Variants in GLP2R observed in about 807,000 individuals in gnomAD.
The protein encoded by GLP2R is glucagon-like peptide 2 receptor.
A neutral mutation model predicts 68.2 loss-of-function variants in GLP2R; 59 were observed. That is an observed-to-expected ratio of 0.87 (90% CI 0.70 to 1.07). The LOEUF (loss-of-function observed/expected upper bound fraction) is 1.07. Ranked by LOEUF, GLP2R falls within the 50% of genes least tolerant of loss-of-function variation. The pLI is 0.00. For synonymous variants in GLP2R, 270 were observed against 265.4 expected (o/e 1.02, Z -0.17); for missense variants, 548 against 677.4 (o/e 0.81, Z 2.12).
intron 3 of GLP2R, among the ~76,000 whole-genome samples, chr17:9,841,459 A>G (rs1296059155): frequency 6.6e-6 from 1 of 152,068 alleles, no homozygotes; most frequent in Non-Finnish European, 1.5e-5. Flanking sequence ...AGGAGGTGAA[A>G]GTGGCAGTCA....
At chr17:9,871,088 G>A (rs58131349) in intron 10 of GLP2R, among the ~76,000 whole-genome samples, 1,825 of 152,258 alleles carry the variant, frequency 0.012, 41 homozygotes, top group African/African-American at 0.042. Flanking sequence ...CCCTAAGAGG[G>A]CAGGAGTGAT....
chr17:9,829,363 T>C (rs1469526342), intron 1 of GLP2R, among the ~76,000 whole-genome samples: 1 of 151,332 alleles, frequency 6.6e-6, no homozygotes, highest in African/African-American at 2.4e-5. Context: ...AGTTTGGCAG[T>C]CAAAAACCTT....
At chr17:9,839,316 C>T (rs1397571772) in intron 3 of GLP2R, among the ~76,000 whole-genome samples, 2 of 152,078 alleles carry the variant, frequency 1.3e-5, no homozygotes, top group Non-Finnish European at 2.9e-5. Flanking sequence ...AGGCAGAATG[C>T]TCAAGACTTG....
Position 9,880,402 on chromosome 17 carries a change from C to T in GLP2R, c.1170C>T (p.Leu390=), listed in dbSNP as rs1567737926. The change falls in exon 11 of 13, where the codon CTC becomes CTT. Residue 390 remains leucine (L), a synonymous_variant. Transcript: ENST00000262441. ...KYRLAKSTLV[L]IPLLGVHEIL... ...GATTGGCAAAATCAACACTGGTCCT[C>T]ATTCCTTTATTGGGCGTTCATGAGA... 8.1e-6 allele frequency: 13 copies of T among 1,601,688 alleles called. No homozygotes were observed. Among genetic ancestry groups the T allele is most frequent in the South Asian group, 1.1e-5 (1 of 89,010 alleles).
At chr17:9,831,972 G>T (rs530350844) in intron 1 of GLP2R, among the ~76,000 whole-genome samples, 70 of 152,282 alleles carry the variant, frequency 4.6e-4, no homozygotes, top group Admixed American at 1.1e-3. Flanking sequence ...GAATGCCCTT[G>T]GCCTTGCATG....
intron 10 of GLP2R, among the ~76,000 whole-genome samples, chr17:9,878,192 T>C (rs1423324802): frequency 6.6e-6 from 1 of 152,132 alleles, no homozygotes; most frequent in Admixed American, 6.5e-5. Context: ...AGCTTCCTTC[T>C]AAAGGGACAG....
chr17:9,842,660 C>G (rs762140270), intron 4 of GLP2R, 44 bp downstream of exon 4: 1 of 1,607,952 alleles, frequency 6.2e-7, no homozygotes, highest in South Asian at 1.1e-5. Flanking sequence ...GGGTCCAAAC[C>G]ACCCTCCTTC....
intron 6 of GLP2R, among the ~76,000 whole-genome samples, chr17:9,859,220 T>C (rs773030841): frequency 4.6e-5 from 7 of 152,252 alleles, no homozygotes; most frequent in Non-Finnish European, 8.8e-5. Context: ...CTTTGATCCA[T>C]GGATTGCTTA....
intron 3 of GLP2R, among the ~76,000 whole-genome samples, chr17:9,839,285 G>A (rs2066762156): frequency 6.6e-6 from 1 of 152,096 alleles, no homozygotes; most frequent in African/African-American, 2.4e-5. Context: ...GCAGAGAGAA[G>A]GAGAAAGATT....
At chr17:9,847,418 C>T (rs1440996655) in intron 4 of GLP2R, among the ~76,000 whole-genome samples, 7 of 151,976 alleles carry the variant, frequency 4.6e-5, no homozygotes, top group Non-Finnish European at 7.4e-5. Flanking sequence ...TACAGGGGCA[C>T]GCTGCCACAC....
chr17:9,887,232 GAA>G (rs111406903), intron 11 of GLP2R, among the ~76,000 whole-genome samples: 2 of 139,002 alleles, frequency 1.4e-5, no homozygotes, highest in African/African-American at 2.6e-5. Flanking sequence ...GTCAGGCAAA[GAA>G]AAAAAAAAAA....
chr17:9,889,741 A>T lies in GLP2R; in HGVS notation c.*36A>T. On this transcript the variant is annotated 3_prime_UTR_variant, in exon 13 of 13. Transcript: ENST00000262441. ...CACCACCCTGGCTCTGCTCCCAGGG[A>T]CTCTTGAGGGGGCCCAGGAAGAGGA... 7.5e-7 allele frequency: 1 copy of T among 1,327,840 alleles called. No homozygotes were observed. The highest frequency in any genetic ancestry group is 1.0e-6 in the Non-Finnish European group (1 of 972,736). 82.3% of individuals were successfully genotyped at this position (1,327,840 alleles called of 1,614,324 possible).
chr17:9,887,371 A>G (rs1350435297), intron 11 of GLP2R, among the ~76,000 whole-genome samples: 2 of 152,196 alleles, frequency 1.3e-5, no homozygotes, highest in East Asian at 1.9e-4. Context: ...TACTAAAAAT[A>G]CAAAAAATTA....
intron 11 of GLP2R, 117 bp from the exon 12 acceptor site, chr17:9,887,815 T>C: frequency 1.3e-6 from 1 of 782,878 alleles, no homozygotes; most frequent in South Asian, 1.4e-5. Context: ...GCAATGCAGT[T>C]GCACGCCTCT....
At chr17:9,881,359 A>G (rs2067193896) in intron 11 of GLP2R, among the ~76,000 whole-genome samples, 1 of 150,342 alleles carries the variant, frequency 6.7e-6, no homozygotes, top group Non-Finnish European at 1.5e-5. Flanking sequence ...CAAGAGTATA[A>G]AAGCAGGAGC....
intron 4 of GLP2R, among the ~76,000 whole-genome samples, chr17:9,847,919 G>T (rs73974311): frequency 0.015 from 2,270 of 152,278 alleles, 61 homozygotes; most frequent in African/African-American, 0.052. Context: ...GGAGGCTGAG[G>T]CGGGAGGGCT....
chr17:9,840,348 A>G (rs760185409), intron 3 of GLP2R, among the ~76,000 whole-genome samples: 32 of 152,136 alleles, frequency 2.1e-4, no homozygotes, highest in Non-Finnish European at 3.2e-4. Context: ...TTTTCTTTGC[A>G]CTCCCCCAGC....
chr17:9,888,756 G>A (rs951173966), intron 12 of GLP2R, among the ~76,000 whole-genome samples: 8 of 152,300 alleles, frequency 5.3e-5, no homozygotes, highest in Admixed American at 2.0e-4. Flanking sequence ...CATGAACCAT[G>A]AAGCCTGGCC....
intron 4 of GLP2R, among the ~76,000 whole-genome samples, chr17:9,850,717 G>A (rs1407145008): frequency 8.5e-6 from 1 of 117,912 alleles, no homozygotes; most frequent in African/African-American, 5.3e-5. Flanking sequence ...TTTGAGCCGG[G>A]ATCTCTCTCT....
Sources: allele counts gnomAD v4.1 joint callset (sites outside exome capture counted in the v4.1 genomes callset), GRCh38; gene constraint gnomAD v4.1.1; transcripts MANE v1.5; gene names NCBI Gene and HGNC (gene_info 2026-07-23, HGNC 2026-07-21).